Variants in GAL3ST1 observed in about 807,000 individuals in gnomAD.
The protein encoded by GAL3ST1 is galactosylceramide sulfotransferase.
A neutral mutation model predicts 25.0 loss-of-function variants in GAL3ST1; 13 were observed. The observed-to-expected ratio is 0.52, with a 90% confidence interval of 0.34 to 0.83. GAL3ST1 has a LOEUF of 0.83. Among genes scored for constraint, GAL3ST1 ranks in the 40% least tolerant of loss-of-function variants. The pLI, the probability that GAL3ST1 is intolerant of heterozygous loss-of-function variation, is 0.02. For synonymous variants in GAL3ST1, 274 were observed against 277.8 expected, an observed-to-expected ratio of 0.99 and a Z score of 0.14; for missense variants, 474 against 613.6, an observed-to-expected ratio of 0.77 and a Z score of 2.40.
chr22:30,560,451 A>G (rs1413964834), intron 1 of GAL3ST1: 1 of 152,160 alleles, frequency 6.6e-6, no homozygotes, highest in Non-Finnish European at 1.5e-5. Context: ...GTCATCACTT[A>G]GAGTGTTATC....
At chr22:30,567,676 T>A (rs144688783) in intron 1 of GAL3ST1, among the ~76,000 whole-genome samples, 2 of 152,092 alleles carry the variant, frequency 1.3e-5, no homozygotes, top group African/African-American at 2.4e-5. Context: ...TTTTGTTTGG[T>A]TGTTTTTTGT....
In GAL3ST1 at chr22:30,555,378, C is replaced by G. The variant is rs560164540; in HGVS notation, c.847G>C (p.Asp283His). The G allele has an allele frequency of 2.5e-6, 4 of 1,608,294 alleles. No individual in the cohort carries two copies. The highest frequency in any genetic ancestry group is 3.4e-6 in the Non-Finnish European group (4 of 1,179,806). ...VLYFKLNARR[D>H]SPVPRLSGEL... Reference sequence around the variant, plus strand: ...CCCGAGAGCCGCGGCACGGGCGAGTCGCGGCGGGCGTTGAGCTTGAAGTAG... The same window carrying G: ...CCCGAGAGCCGCGGCACGGGCGAGTGGCGGCGGGCGTTGAGCTTGAAGTAG... Residue 283 changes from aspartate (D) to histidine (H), a missense_variant, in exon 4 of 4, where the codon GAC (aspartate) becomes CAC (histidine). Asp to His is a moderately conservative substitution (Grantham distance 81, BLOSUM62 -1). Around this residue, in one of 2 missense-constraint regions of GAL3ST1, gnomAD observed 359 missense variants for 504.4 expected, o/e 0.71. Coordinates refer to ENST00000406361, the MANE Select transcript of GAL3ST1 (RefSeq NM_001318104.2). The surrounding 1 kb of genome is among the most constrained non-coding windows in gnomAD (Gnocchi z 8.6).
At chr22:30,561,855 A>C (rs959113092) in intron 1 of GAL3ST1, among the ~76,000 whole-genome samples, 8 of 152,094 alleles carry the variant, frequency 5.3e-5, no homozygotes, top group African/African-American at 1.9e-4. Context: ...AGCTACTGTA[A>C]ACTTAGGCAT....
At chr22:30,558,224 A>C (rs150766334) in intron 2 of GAL3ST1, 55 bp downstream of exon 2, 3,148 of 151,888 alleles carry the variant, frequency 0.021, 51 homozygotes, top group Middle Eastern at 0.048. Context: ...TATGGTGAGA[A>C]CCTATCTCTA....
rs1426858247 is a variant in GAL3ST1, at chr22:30,574,607, G to GCCGCGCCGCGCCCGCTC, written c.-278_-262dup. The GCCGCGCCGCGCCCGCTC allele has an allele frequency of 9.1e-4, 127 of 139,914 alleles. 2 individuals carry two copies. Among genetic ancestry groups the GCCGCGCCGCGCCCGCTC allele is most frequent in the East Asian group, 6.0e-3 (29 of 4,800 alleles). 8.7% of individuals were successfully genotyped at this position (139,914 alleles called of 1,614,324 possible). The stretch of plus-strand genomic sequence containing the variant: ...CCATGCCCCCGCCCCCGCCGCCGCT[G>GCCGCGCCGCGCCCGCTC]CCGCGCCGCGCCCGCTCCCGCGCCG... On this transcript the variant is annotated 5_prime_UTR_variant, in exon 1 of 4. Transcript: ENST00000406361.
chr22:30,567,283 G>GT (rs1281509514), intron 1 of GAL3ST1, among the ~76,000 whole-genome samples: 1 of 151,660 alleles, frequency 6.6e-6, no homozygotes, highest in African/African-American at 2.4e-5. Flanking sequence ...AACTGTTTTT[G>GT]TTTTTTTGAC....
chr22:30,571,232 A>G (rs2086775519), intron 1 of GAL3ST1, among the ~76,000 whole-genome samples: 1 of 152,180 alleles, frequency 6.6e-6, no homozygotes, highest in Non-Finnish European at 1.5e-5. Flanking sequence ...GTGGCACAGC[A>G]GAAGGGGCGG....
At chr22:30,563,359 T>C (rs954989503) in intron 1 of GAL3ST1, 1 of 152,224 alleles carries the variant, frequency 6.6e-6, no homozygotes, top group African/African-American at 2.4e-5. Context: ...CTCATGCCTG[T>C]AATTCCAGCA....
At position 30,567,416 on chromosome 22, in the gene GAL3ST1, G is replaced by A. The variant is rs563062486; in HGVS notation, c.-120+7050C>T. ...GCCTCCCAGGTAGCTGGGACTACAG[G>A]TACGCACCACCACGCCTGGCTAATT... On this transcript the variant is annotated intron_variant, in intron 1 of 3. Coordinates refer to ENST00000406361, the MANE Select transcript of GAL3ST1 (RefSeq NM_001318104.2). Among the ~76,000 whole-genome samples the A allele has an allele frequency of 1.2e-3, 188 of 152,178 alleles. 1 individual carries two copies. The highest frequency in any genetic ancestry group is 4.1e-3 in the African/African-American group (170 of 41,520).
intron 1 of GAL3ST1, among the ~76,000 whole-genome samples, chr22:30,570,568 G>C (rs762652613): frequency 6.6e-6 from 1 of 152,182 alleles, no homozygotes; most frequent in Non-Finnish European, 1.5e-5. Flanking sequence ...AGGCCAAGGC[G>C]GGTGGATCAC....
chr22:30,558,895 C>T (rs1380213756), intron 1 of GAL3ST1, among the ~76,000 whole-genome samples: 7 of 152,154 alleles, frequency 4.6e-5, no homozygotes, highest in East Asian at 1.9e-4. Context: ...CGGTGGCTCA[C>T]GCCTGTAATC....
chr22:30,557,959 A>G (rs552301856), intron 2 of GAL3ST1, among the ~76,000 whole-genome samples: 1 of 151,510 alleles, frequency 6.6e-6, no homozygotes, highest in South Asian at 2.1e-4. Flanking sequence ...TTATATTTTA[A>G]TTTTTTTAAA....
chr22:30,572,123 C>G (rs1317952661), intron 1 of GAL3ST1, among the ~76,000 whole-genome samples: 1 of 152,108 alleles, frequency 6.6e-6, no homozygotes, highest in Non-Finnish European at 1.5e-5. Context: ...ACAGCTTCAC[C>G]AAGAAGTCAG....
chr22:30,568,654 C>A (rs916328200), intron 1 of GAL3ST1, among the ~76,000 whole-genome samples: 5 of 152,198 alleles, frequency 3.3e-5, no homozygotes, highest in Admixed American at 2.0e-4. Flanking sequence ...AAAGCACATG[C>A]AAAGGCCCAG....
chr22:30,554,706 T>G lies in GAL3ST1; in HGVS notation c.*247A>C. ...TTTAAGGGGAGGCAGAAATAGAACA[T>G]TCTTTATCGGGGAGGGAAAGGGGTT... On this transcript the variant is annotated 3_prime_UTR_variant, in exon 4 of 4. Coordinates refer to ENST00000406361, the MANE Select transcript of GAL3ST1 (RefSeq NM_001318104.2). 6.1e-6 allele frequency: 2 copies of G among 327,962 alleles called. No individual in the cohort carries two copies. The highest frequency in any genetic ancestry group is 1.1e-5 in the Non-Finnish European group (2 of 181,298). The allele number at this position is 327,962 out of a possible 1,614,324, so 20.3% of individuals were successfully genotyped here. A position where few individuals can be genotyped will look rare whatever the true frequency, so the allele number is the denominator to read the frequency against.
chr22:30,564,903 G>A (rs2086577799), intron 1 of GAL3ST1: 1 of 152,198 alleles, frequency 6.6e-6, no homozygotes, highest in Non-Finnish European at 1.5e-5. Flanking sequence ...GCGATCACTG[G>A]GAGACAGGAA....
chr22:30,557,202 T>A, intron 3 of GAL3ST1, 60 bp downstream of exon 3: 1 of 1,582,180 alleles, frequency 6.3e-7, no homozygotes, highest in Non-Finnish European at 8.7e-7. Flanking sequence ...CAGGGCCCCA[T>A]GGGTGGGGTG....
chr22:30,570,581 G>A (rs763799496), intron 1 of GAL3ST1, among the ~76,000 whole-genome samples: 1 of 152,180 alleles, frequency 6.6e-6, no homozygotes, highest in Non-Finnish European at 1.5e-5. Flanking sequence ...TGGATCACCT[G>A]AGGTCGGGAG....
chr22:30,557,974 G>C (rs1012221790), intron 2 of GAL3ST1, among the ~76,000 whole-genome samples: 7 of 151,514 alleles, frequency 4.6e-5, no homozygotes, highest in Non-Finnish European at 8.8e-5. Flanking sequence ...TTTAAAAATA[G>C]AGACAGTTTT....
Sources: gnomAD v4.1 joint callset for allele counts (sites outside exome capture counted in the v4.1 genomes callset) on GRCh38, gnomAD v4.1.1 for gene constraint, gnomAD v4.1.1 regional missense constraint, Gnocchi (gnomAD v3.1) non-coding constraint, MANE v1.5 for transcripts, NCBI Gene and HGNC (gene_info 2026-07-23, HGNC 2026-07-21) for gene names.